The following TEC variants were observed in gnomAD, a reference collection of about 807,000 sequenced individuals.
TEC encodes the protein tyrosine-protein kinase Tec.
A neutral mutation model predicts 93.0 loss-of-function variants in TEC; 72 were observed. The observed-to-expected ratio is 0.77, with a 90% CI of 0.64 to 0.94. The LOEUF (loss-of-function observed/expected upper bound fraction) is 0.94, where lower values mean the gene tolerates loss of function less well. TEC is among the 40% of genes least tolerant of loss of function. TEC has a pLI of 0.00. For missense variants in TEC, 630 were observed against 757.9 expected, an observed-to-expected ratio of 0.83 and a Z score of 1.98; for synonymous variants, 249 against 247.7, an observed-to-expected ratio of 1.01 and a Z score of -0.05.
At chr4:48,196,646 C>T (rs772683654) in intron 2 of TEC, among the ~76,000 whole-genome samples, 1 of 152,176 alleles carries the variant, frequency 6.6e-6, no homozygotes, top group African/African-American at 2.4e-5. Flanking sequence ...CAAGAAAGAT[C>T]TTCTGAGAGT....
chr4:48,193,125 A>C (rs762265790), intron 2 of TEC, among the ~76,000 whole-genome samples: 6 of 151,490 alleles, frequency 4.0e-5, no homozygotes, highest in Non-Finnish European at 4.4e-5. Context: ...CACAATATCC[A>C]GTTGTAGCCA....
At chr4:48,200,670 G>A (rs1356328551) in intron 2 of TEC, among the ~76,000 whole-genome samples, 1 of 152,186 alleles carries the variant, frequency 6.6e-6, no homozygotes, top group Non-Finnish European at 1.5e-5. Flanking sequence ...CTAAGTTCTG[G>A]TCAATGAGAT....
chr4:48,223,476 T>G (rs774094617), intron 2 of TEC, among the ~76,000 whole-genome samples: 48 of 152,350 alleles, frequency 3.2e-4, no homozygotes, highest in Non-Finnish European at 5.7e-4. Context: ...CTGTATGTTG[T>G]GCAGGTTTTT....
intron 2 of TEC, among the ~76,000 whole-genome samples, chr4:48,206,452 A>G (rs1722717609): frequency 6.6e-6 from 1 of 152,204 alleles, no homozygotes; most frequent in Non-Finnish European, 1.5e-5. Context: ...ATACCTTTTA[A>G]AAACAAATAA....
At chr4:48,140,366 A>T (rs1036479780) in intron 15 of TEC, among the ~76,000 whole-genome samples, 1 of 152,170 alleles carries the variant, frequency 6.6e-6, no homozygotes. Context: ...ATTTTCACCT[A>T]CACTGGCTAC....
At chr4:48,252,036 T>G (rs1312113563) in intron 1 of TEC, among the ~76,000 whole-genome samples, 2 of 152,090 alleles carry the variant, frequency 1.3e-5, no homozygotes, top group Non-Finnish European at 2.9e-5. Flanking sequence ...AGAAAAAACA[T>G]TTCACTAGAT....
Position 48,221,546 on chromosome 4 carries a change from G to A in TEC, c.138+6931C>T, listed in dbSNP as rs555461361. Among the ~76,000 whole-genome samples the A allele has an allele frequency of 6.6e-5, 10 of 152,256 alleles. 1 individual carries two copies. The South Asian group carries it at 8.3e-4, about 13-fold the overall frequency. ...TTGTAAATTACCCAGTCTTGGGTAC[G>A]TCTTTATTAGCAGTGTGAGAACCAA... On this transcript the variant is annotated intron_variant, in intron 2 of 17. Transcript: ENST00000381501.
At chr4:48,146,543 GCTTT>G in intron 11 of TEC, 144 bp from the exon 12 acceptor site, 2 of 637,018 alleles carry the variant, frequency 3.1e-6, no homozygotes, top group Non-Finnish European at 5.4e-6. Flanking sequence ...TCTGCTATAT[GCTTT>G]TATTCATTCA....
chr4:48,161,393 C>A (rs1052951438), intron 8 of TEC, among the ~76,000 whole-genome samples: 3 of 152,026 alleles, frequency 2.0e-5, no homozygotes, highest in Non-Finnish European at 4.4e-5. Context: ...ACCATCACAA[C>A]GAATCTGCTT....
intron 8 of TEC, among the ~76,000 whole-genome samples, chr4:48,159,962 C>T (rs994216364): frequency 2.0e-5 from 3 of 152,150 alleles, no homozygotes; most frequent in Non-Finnish European, 2.9e-5. Context: ...AAACATCTTC[C>T]CCCAGGCCCC....
intron 1 of TEC, among the ~76,000 whole-genome samples, chr4:48,235,194 AG>A (rs1273133048): frequency 6.6e-6 from 1 of 152,100 alleles, no homozygotes; most frequent in African/African-American, 2.4e-5. Context: ...TTCTGTTTTC[AG>A]GGGGGAAAAT....
At chr4:48,146,743 T>C (rs778532789) in intron 11 of TEC, among the ~76,000 whole-genome samples, 109 of 152,300 alleles carry the variant, frequency 7.2e-4, no homozygotes, top group Non-Finnish European at 1.2e-3. Context: ...TCACCTGACA[T>C]GACTCAGTAT....
intron 2 of TEC, among the ~76,000 whole-genome samples, chr4:48,221,927 G>A (rs1192158572): frequency 6.6e-6 from 1 of 152,152 alleles, no homozygotes; most frequent in African/African-American, 2.4e-5. Context: ...CACTATCACA[G>A]GAGCTTAAAA....
chr4:48,189,501 G>T (rs1034214133), intron 2 of TEC, among the ~76,000 whole-genome samples: 1 of 152,204 alleles, frequency 6.6e-6, no homozygotes, highest in Non-Finnish European at 1.5e-5. Flanking sequence ...TTACTGAAAA[G>T]ATACAGAAAA....
chr4:48,138,485 C>A (rs73814676), intron 17 of TEC, among the ~76,000 whole-genome samples, 180 bp downstream of exon 17: 145 of 152,332 alleles, frequency 9.5e-4, no homozygotes, highest in African/African-American at 3.4e-3. Flanking sequence ...GCATTTTCCA[C>A]ATCTTTACAT....
At chr4:48,177,634 C>T (rs1463634186) in intron 2 of TEC, among the ~76,000 whole-genome samples, 1 of 152,162 alleles carries the variant, frequency 6.6e-6, no homozygotes, top group African/African-American at 2.4e-5. Flanking sequence ...CCAACATATG[C>T]ACACACTAGA....
Position 48,163,786 on chromosome 4 carries a change from C to T in TEC, c.672-19G>A. 1 of 1,367,618 alleles carries T rather than the reference C, an allele frequency of 7.3e-7. No individual in the cohort carries two copies. The highest frequency in any genetic ancestry group is 1.0e-6 in the Non-Finnish European group (1 of 1,002,638). 84.7% of individuals were successfully genotyped at this position (1,367,618 alleles called of 1,614,324 possible). A position where few individuals can be genotyped will look rare whatever the true frequency, so the allele number is the denominator to read the frequency against. On this transcript the variant is annotated intron_variant, in intron 7 of 17. Transcript: ENST00000381501. ...TTCATTCCTAGAAATAAGAAAAATA[C>T]TTTAGGTAAACTTACTTTACTGGGA...
intron 8 of TEC, among the ~76,000 whole-genome samples, chr4:48,159,891 C>G (rs1485826266): frequency 6.6e-6 from 1 of 152,156 alleles, no homozygotes; most frequent in Non-Finnish European, 1.5e-5. Context: ...CGTGAGAACT[C>G]ACTTCCTTGA....
chr4:48,224,148 A>T (rs4695362), intron 2 of TEC, among the ~76,000 whole-genome samples: 71,174 of 151,872 alleles, frequency 0.47, 16,930 homozygotes, highest in Admixed American at 0.56. Context: ...GGAGTTGGGA[A>T]CCCTGGCACA....
Sources: allele counts gnomAD v4.1 joint callset (sites outside exome capture counted in the v4.1 genomes callset), GRCh38; gene constraint gnomAD v4.1.1; transcripts MANE v1.5; gene names NCBI Gene and HGNC (gene_info 2026-07-23, HGNC 2026-07-21).